DNM3: variants seen among roughly 807,000 people sequenced by gnomAD.
The protein encoded by DNM3 is dynamin 3.
Under a neutral mutation model 101.6 loss-of-function variants are expected in DNM3, and 47 were observed. The observed-to-expected ratio is 0.46, with a 90% CI of 0.37 to 0.59. DNM3 has a LOEUF of 0.59. Among genes scored for constraint, DNM3 ranks in the 20% least tolerant of loss-of-function variants. The pLI is 0.00. For missense variants in DNM3, 849 were observed against 1,085.7 expected (o/e 0.78, Z 3.06); for synonymous variants, 385 against 387.9 (o/e 0.99, Z 0.09).
chr1:172,295,833 G>C (rs924116421), intron 15 of DNM3, among the ~76,000 whole-genome samples: 1 of 151,896 alleles, frequency 6.6e-6, no homozygotes, highest in Non-Finnish European at 1.5e-5. Context: ...TTTATAATAG[G>C]ACTTTTAAAA....
At chr1:171,998,971 C>T (rs1558398045) in intron 4 of DNM3, among the ~76,000 whole-genome samples, 1 of 152,022 alleles carries the variant, frequency 6.6e-6, no homozygotes, top group Non-Finnish European at 1.5e-5. Context: ...GAGAGGTAGG[C>T]AGGGCCCAGA....
At chr1:172,005,282 T>C (rs928451167) in intron 4 of DNM3, among the ~76,000 whole-genome samples, 1 of 152,096 alleles carries the variant, frequency 6.6e-6, no homozygotes, top group Admixed American at 6.6e-5. Context: ...TGATAAACTA[T>C]ATAAAAGTGT....
rs147491654 is a variant in DNM3 at position 172,411,155 on chromosome 1, T to C, written c.*3314T>C. ...ATACATGTACTTAGTATGTGTGGTA[T>C]CAGGATATTTTTTAAACTGTGATAA... On this transcript the variant is annotated 3_prime_UTR_variant, in exon 21 of 21. Coordinates refer to ENST00000627582, the MANE Select transcript of DNM3 (RefSeq NM_015569.5). The C allele has an allele frequency of 2.1e-4, 202 of 985,152 alleles. No homozygotes were observed. In the African/African-American group the frequency reaches 3.3e-3, roughly 16 times the overall value. 61.0% of individuals were successfully genotyped at this position (985,152 alleles called of 1,614,324 possible).
At chr1:171,911,273 C>CTTTTTTTTTTTTT (rs151321245) in intron 1 of DNM3, among the ~76,000 whole-genome samples, 1 of 90,752 alleles carries the variant, frequency 1.1e-5, no homozygotes, top group Non-Finnish European at 2.0e-5. Flanking sequence ...ACCCCAACAT[C>CTTTTTTTTTTTTT]TTTTTTTTTT....
At chr1:171,843,605 T>G (rs1482921531) in intron 1 of DNM3, among the ~76,000 whole-genome samples, 1 of 152,250 alleles carries the variant, frequency 6.6e-6, no homozygotes, top group Non-Finnish European at 1.5e-5. Context: ...TTTACTTGGA[T>G]GAGCCTATAT....
chr1:172,195,783 T>C (rs1337731018), intron 14 of DNM3, among the ~76,000 whole-genome samples: 2 of 151,942 alleles, frequency 1.3e-5, no homozygotes, highest in East Asian at 3.9e-4. Flanking sequence ...TTGGTTATGA[T>C]GTGTAATTCT....
intron 14 of DNM3, among the ~76,000 whole-genome samples, chr1:172,229,615 T>A (rs1229771226): frequency 2.0e-5 from 3 of 152,186 alleles, no homozygotes; most frequent in African/African-American, 7.2e-5. Flanking sequence ...TTTTTGAATT[T>A]AAAAACCCAA....
At chr1:171,846,812 C>T (rs940570124) in intron 1 of DNM3, among the ~76,000 whole-genome samples, 17 of 152,140 alleles carry the variant, frequency 1.1e-4, no homozygotes, top group African/African-American at 3.9e-4. Flanking sequence ...TTATGTCATA[C>T]TAAATACATT....
At chr1:172,042,922 A>G (rs2049494750) in intron 8 of DNM3, among the ~76,000 whole-genome samples, 1 of 152,148 alleles carries the variant, frequency 6.6e-6, no homozygotes, top group Non-Finnish European at 1.5e-5. Flanking sequence ...GCTGGATTGT[A>G]AAGAGCCAAG....
chr1:172,390,896 T>C (rs74126214), intron 20 of DNM3, among the ~76,000 whole-genome samples: 12,842 of 152,230 alleles, frequency 0.084, 618 homozygotes, highest in South Asian at 0.14. Flanking sequence ...GGAATGAACA[T>C]GCATGTTCTG....
chr1:172,261,258 G>A (rs1486983604), intron 15 of DNM3, among the ~76,000 whole-genome samples: 2 of 152,164 alleles, frequency 1.3e-5, no homozygotes, highest in Non-Finnish European at 2.9e-5. Flanking sequence ...TAATTTGTTT[G>A]AAATTGCTTT....
intron 2 of DNM3, among the ~76,000 whole-genome samples, chr1:171,964,295 T>G (rs549415207): frequency 2.0e-5 from 3 of 152,172 alleles, no homozygotes; most frequent in Non-Finnish European, 4.4e-5. Flanking sequence ...CTCTGAAGCC[T>G]GCTACTGGAG....
At chr1:172,055,560 T>G (rs1437375979) in intron 10 of DNM3, among the ~76,000 whole-genome samples, 1 of 152,086 alleles carries the variant, frequency 6.6e-6, no homozygotes, top group Non-Finnish European at 1.5e-5. Flanking sequence ...TAAGGGACCT[T>G]GAGAATACAA....
intron 13 of DNM3, among the ~76,000 whole-genome samples, chr1:172,111,255 T>A (rs895681296): frequency 3.3e-5 from 5 of 152,208 alleles, no homozygotes; most frequent in African/African-American, 1.2e-4. Flanking sequence ...GACAATACAA[T>A]AAGACTGCTA....
At chr1:172,365,564 A>T (rs1280599371) in intron 17 of DNM3, among the ~76,000 whole-genome samples, 1 of 151,994 alleles carries the variant, frequency 6.6e-6, no homozygotes, top group Non-Finnish European at 1.5e-5. Context: ...CATGAAATGA[A>T]AATAATGTAG....
chr1:171,996,055 T>C (rs564283034), intron 4 of DNM3, among the ~76,000 whole-genome samples: 1 of 152,178 alleles, frequency 6.6e-6, no homozygotes, highest in African/African-American at 2.4e-5. Flanking sequence ...AAAACTTCTA[T>C]AAAATAAGTA....
chr1:171,957,726 C>T (rs2042957520), intron 2 of DNM3, among the ~76,000 whole-genome samples: 1 of 152,146 alleles, frequency 6.6e-6, no homozygotes, highest in Non-Finnish European at 1.5e-5. Context: ...TAAAACATAG[C>T]AAGAGTCACC....
chr1:171,931,647 C>T (rs983232049), intron 2 of DNM3, among the ~76,000 whole-genome samples: 24 of 152,018 alleles, frequency 1.6e-4, no homozygotes, highest in African/African-American at 5.3e-4. Context: ...ATTTTTTCCC[C>T]AATTCCCTTT....
At chr1:172,125,800 A>G (rs1219895816) in intron 13 of DNM3, among the ~76,000 whole-genome samples, 1 of 152,202 alleles carries the variant, frequency 6.6e-6, no homozygotes, top group Non-Finnish European at 1.5e-5. Context: ...TGGCTGTTGT[A>G]GTGGACATTA....
Sources: allele counts gnomAD v4.1 joint callset (sites outside exome capture counted in the v4.1 genomes callset), GRCh38; gene constraint gnomAD v4.1.1; transcripts MANE v1.5; gene names NCBI Gene and HGNC (gene_info 2026-07-23, HGNC 2026-07-21).